The following PBX1 variants were observed in gnomAD, a reference collection of about 807,000 sequenced individuals.
The protein encoded by PBX1 is PBX homeobox 1, also known as pre-B-cell leukemia transcription factor 1.
PBX1 carries 6 observed loss-of-function variants against 53.4 expected under a neutral mutation model. That is an observed-to-expected ratio of 0.11 (90% CI 0.06 to 0.22). PBX1 has a LOEUF of 0.22. Among genes scored for constraint, PBX1 ranks in the 10% least tolerant of loss-of-function variants. PBX1 has a pLI of 1.00. For missense variants in PBX1, 251 were observed against 551.4 expected, an observed-to-expected ratio of 0.46 and a Z score of 5.46; for synonymous variants, 204 against 212.3, an observed-to-expected ratio of 0.96 and a Z score of 0.34.
chr1:164,620,910 T>G (rs1657628603), intron 2 of PBX1, among the ~76,000 whole-genome samples: 1 of 152,200 alleles, frequency 6.6e-6, no homozygotes, highest in Non-Finnish European at 1.5e-5. Flanking sequence ...CTTGAACTCC[T>G]GACCTCAGGT....
At chr1:164,791,768 A>AC (rs1668520643) in intron 2 of PBX1, among the ~76,000 whole-genome samples, 1 of 151,808 alleles carries the variant, frequency 6.6e-6, no homozygotes, top group African/African-American at 2.4e-5. Flanking sequence ...TTATGATTAC[A>AC]TTTTTCTAGT....
intron 2 of PBX1, among the ~76,000 whole-genome samples, chr1:164,653,661 T>C (rs1263796906): frequency 6.6e-6 from 1 of 152,142 alleles, no homozygotes; most frequent in East Asian, 1.9e-4. Context: ...TCCCAGCTAC[T>C]TGGGAGACTA....
intron 2 of PBX1, among the ~76,000 whole-genome samples, chr1:164,650,503 G>T (rs941402343): frequency 1.3e-5 from 2 of 152,124 alleles, no homozygotes; most frequent in African/African-American, 4.8e-5. Context: ...TAGGGTTACA[G>T]GTGTGAACCA....
chr1:164,854,786 G>A (rs1671941380), downstream of PBX1, among the ~76,000 whole-genome samples: 1 of 152,064 alleles, frequency 6.6e-6, no homozygotes, highest in Non-Finnish European at 1.5e-5. Context: ...CCATGCAAAA[G>A]ACAATGCAGC....
At chr1:164,799,999 C>A in intron 4 of PBX1, 110 bp downstream of exon 4, 3 of 946,168 alleles carry the variant, frequency 3.2e-6, no homozygotes, top group Non-Finnish European at 4.7e-6. Context: ...CAACGCTGAA[C>A]CAAGTGATAC....
intron 6 of PBX1, chr1:164,817,259 C>G (rs561133143): frequency 6.6e-6 from 1 of 152,334 alleles, no homozygotes; most frequent in East Asian, 1.9e-4. Context: ...GCCACAGCAC[C>G]TCCAAGAGAG....
intron 2 of PBX1, among the ~76,000 whole-genome samples, chr1:164,652,308 C>A (rs1659875705): frequency 6.6e-6 from 1 of 152,170 alleles, no homozygotes; most frequent in African/African-American, 2.4e-5. Flanking sequence ...ATTTAAATAA[C>A]CCCTGTGGGG....
intron 2 of PBX1, among the ~76,000 whole-genome samples, chr1:164,640,548 TTTTTTTTGTG>T (rs1659062157): frequency 1.3e-5 from 1 of 78,826 alleles, no homozygotes; most frequent in Middle Eastern, 0.011. Context: ...TTTTGGTGTT[TTTTTTTTGTG>T]TTTTTTTTTT....
At chr1:164,604,158 C>G (rs1443807871) in intron 2 of PBX1, among the ~76,000 whole-genome samples, 1 of 152,008 alleles carries the variant, frequency 6.6e-6, no homozygotes, top group Non-Finnish European at 1.5e-5. Flanking sequence ...TCAGGCTAGT[C>G]TCGAACTTCT....
intron 8 of PBX1, chr1:164,829,795 A>G (rs1670662888): frequency 6.6e-6 from 1 of 152,128 alleles, no homozygotes; most frequent in Non-Finnish European, 1.5e-5. Context: ...TTAAAAAAAA[A>G]AAAAGTATTG....
At chr1:164,616,344 C>T (rs948265973) in intron 2 of PBX1, among the ~76,000 whole-genome samples, 3 of 152,128 alleles carry the variant, frequency 2.0e-5, no homozygotes, top group South Asian at 4.1e-4. Flanking sequence ...CCTCCTTACT[C>T]CTGCTCCTGT....
At chr1:164,791,972 G>A (rs1004832743) in intron 2 of PBX1, among the ~76,000 whole-genome samples, 4 of 151,860 alleles carry the variant, frequency 2.6e-5, no homozygotes, top group Admixed American at 1.3e-4. Flanking sequence ...CTACAGGCAC[G>A]CACCACCACG....
chr1:164,617,966 T>C (rs907595387), intron 2 of PBX1, among the ~76,000 whole-genome samples: 1 of 152,160 alleles, frequency 6.6e-6, no homozygotes, highest in African/African-American at 2.4e-5. Context: ...CCCAAATCAG[T>C]AACATCTCAG....
chr1:164,605,621 G>C (rs1488479096), intron 2 of PBX1, among the ~76,000 whole-genome samples: 3 of 152,152 alleles, frequency 2.0e-5, no homozygotes, highest in Non-Finnish European at 4.4e-5. Flanking sequence ...TTGGTGGTTT[G>C]TGAAGCCCTC....
intron 2 of PBX1, among the ~76,000 whole-genome samples, chr1:164,600,100 GT>G (rs1336444517): frequency 6.6e-6 from 1 of 151,814 alleles, no homozygotes; most frequent in African/African-American, 2.4e-5. Context: ...AATTTAGTCT[GT>G]TTGGTCTTAC....
chr1:164,880,712 T>TC (rs1672625159), intron 2 of PBX1, among the ~76,000 whole-genome samples: 1 of 152,212 alleles, frequency 6.6e-6, no homozygotes, highest in African/African-American at 2.4e-5. Context: ...AGAGCCACTG[T>TC]CACTCTTGCT....
chr1:164,843,484 G>A (rs1191370752), intron 8 of PBX1, among the ~76,000 whole-genome samples: 1 of 152,008 alleles, frequency 6.6e-6, no homozygotes, highest in African/African-American at 2.4e-5. Flanking sequence ...GGGCAAACTG[G>A]GATGGATGGT....
At chr1:164,663,197 C>T (rs964469520) in intron 2 of PBX1, among the ~76,000 whole-genome samples, 6 of 150,804 alleles carry the variant, frequency 4.0e-5, no homozygotes, top group Non-Finnish European at 7.4e-5. Flanking sequence ...TGTCTTCCTT[C>T]CTGCCTTCCT....
intron 2 of PBX1, among the ~76,000 whole-genome samples, chr1:164,623,031 T>C (rs189542843): frequency 6.7e-4 from 102 of 152,242 alleles, no homozygotes; most frequent in African/African-American, 2.3e-3. Context: ...GCCAGGCTGA[T>C]CTTGAACTCC....
Sources: allele counts gnomAD v4.1 joint callset (sites outside exome capture counted in the v4.1 genomes callset), GRCh38; gene constraint gnomAD v4.1.1; transcripts MANE v1.5; gene names NCBI Gene and HGNC (gene_info 2026-07-23, HGNC 2026-07-21).